Variants in RBM18 observed in about 807,000 individuals in gnomAD.
RBM18 encodes RNA binding motif protein 18.
Under a neutral mutation model 26.4 loss-of-function variants are expected in RBM18, and 18 were observed. The observed-to-expected ratio is 0.68, with a 90% CI of 0.47 to 1.01. The LOEUF (loss-of-function observed/expected upper bound fraction) is 1.01. RBM18 is among the 50% of genes least tolerant of loss of function. RBM18 has a pLI of 0.00. For missense variants in RBM18, 180 were observed against 219.2 expected, an observed-to-expected ratio of 0.82 and a Z score of 1.13; for synonymous variants, 74 against 81.1, an observed-to-expected ratio of 0.91 and a Z score of 0.47.
In RBM18 at chr9:122,241,528, A is replaced by G. The variant is rs115264617; in HGVS notation, c.*356T>C. 4,034 of 164,908 alleles carry G rather than the reference A, an allele frequency of 0.024. 181 individuals are homozygous for G. Among genetic ancestry groups the G allele is most frequent in the African/African-American group, 0.088 (3,720 of 42,056 alleles). 10.2% of individuals were successfully genotyped at this position (164,908 alleles called of 1,614,324 possible). A position where few individuals can be genotyped will look rare whatever the true frequency, so the allele number is the denominator to read the frequency against. ...GTAGAAAAATGCTCAATTTTTTAAT[A>G]GATGTTAATATTTTTAGTTTCCTGA... On this transcript the variant is annotated 3_prime_UTR_variant, in exon 6 of 6. Coordinates refer to ENST00000417201, the MANE Select transcript of RBM18 (RefSeq NM_033117.4).
intron 2 of RBM18, among the ~76,000 whole-genome samples, chr9:122,256,038 A>AAACAACAAC (rs3048199): frequency 6.6e-6 from 1 of 151,706 alleles, no homozygotes; most frequent in African/African-American, 2.4e-5. Context: ...CTCAAAAAGA[A>AAACAACAAC]AACAACAACA....
chr9:122,239,987 G>C lies in RBM18; in HGVS notation c.*1897C>G, dbSNP rs1468107261. 2 of 152,236 alleles carry C rather than the reference G, an allele frequency of 1.3e-5. No individual in the cohort carries two copies. The highest frequency in any genetic ancestry group is 2.9e-5 in the Non-Finnish European group (2 of 68,044). The allele number at this position is 152,236 out of a possible 1,614,324, so 9.4% of individuals were successfully genotyped here. ...CTGCAGTCTATGCCAGTAAGTGAAC[G>C]AGAGAAGATATAACCACACGGACAC... On this transcript the variant is annotated 3_prime_UTR_variant, in exon 6 of 6. Coordinates refer to ENST00000417201, the MANE Select transcript of RBM18 (RefSeq NM_033117.4).
intron 2 of RBM18, among the ~76,000 whole-genome samples, chr9:122,253,192 C>T (rs1263151817): frequency 6.6e-6 from 1 of 152,152 alleles, no homozygotes; most frequent in Admixed American, 6.5e-5. Context: ...AAGAGAAACT[C>T]ATCAAAATTT....
rs774992828 is a variant in RBM18 at position 122,245,356 on chromosome 9, T to C, written c.328-15A>G. On this transcript the variant is annotated splice_polypyrimidine_tract_variant and intron_variant, in intron 4 of 5. Transcript: ENST00000417201. Reference sequence around the variant, plus strand: ...TGATCATATCTCTGAAAATGAGAAATAGAGAAATTACTTCACATGGGCAGA... The same window carrying C: ...TGATCATATCTCTGAAAATGAGAAACAGAGAAATTACTTCACATGGGCAGA... The C allele has an allele frequency of 4.5e-6, 7 of 1,541,654 alleles. No individual in the cohort carries two copies. Among genetic ancestry groups the C allele is most frequent in the African/African-American group, 4.1e-5 (3 of 73,370 alleles).
chr9:122,252,737 G>A (rs894035041), intron 2 of RBM18, among the ~76,000 whole-genome samples: 3 of 152,170 alleles, frequency 2.0e-5, no homozygotes, highest in South Asian at 2.1e-4. Context: ...TCTAGGGTAC[G>A]GTCAAGTAAA....
intron 2 of RBM18, among the ~76,000 whole-genome samples, chr9:122,257,349 T>C (rs1173493786): frequency 6.6e-6 from 1 of 152,196 alleles, no homozygotes; most frequent in Non-Finnish European, 1.5e-5. Flanking sequence ...GGTTTCACTG[T>C]GTTAGCCGGG....
intron 5 of RBM18, chr9:122,243,709 AC>A (rs1223113874): frequency 2.0e-6 from 2 of 985,008 alleles, no homozygotes; most frequent in Non-Finnish European, 2.4e-6. Flanking sequence ...AAATTTAAAA[AC>A]TAAGTTACAA....
intron 3 of RBM18, among the ~76,000 whole-genome samples, chr9:122,249,489 G>T (rs1831563235): frequency 6.6e-6 from 1 of 152,098 alleles, no homozygotes; most frequent in Non-Finnish European, 1.5e-5. Context: ...GAAGCAGGCT[G>T]GTTGCTTGAG....
intron 2 of RBM18, among the ~76,000 whole-genome samples, chr9:122,258,582 A>G (rs1831734805): frequency 6.6e-6 from 1 of 152,290 alleles, no homozygotes; most frequent in Non-Finnish European, 1.5e-5. Context: ...TATATCTTTA[A>G]GCATAAATTT....
chr9:122,246,708 G>T (rs1479223759), intron 4 of RBM18, among the ~76,000 whole-genome samples: 2 of 152,166 alleles, frequency 1.3e-5, no homozygotes, highest in African/African-American at 4.8e-5. Context: ...TGGGAAGTTT[G>T]TTGGGGAGTG....
At chr9:122,264,385 G>A (rs7034992) in intron 1 of RBM18, among the ~76,000 whole-genome samples, 43,593 of 152,150 alleles carry the variant, frequency 0.29, 7,178 homozygotes, top group Middle Eastern at 0.46. Flanking sequence ...GACTACCAGA[G>A]TTCACAAAAC....
chr9:122,253,086 A>G (rs1299230450), intron 2 of RBM18, among the ~76,000 whole-genome samples: 1 of 152,214 alleles, frequency 6.6e-6, no homozygotes, highest in African/African-American at 2.4e-5. Context: ...AAAAGGTATC[A>G]GCCCACATGC....
intron 4 of RBM18, among the ~76,000 whole-genome samples, chr9:122,246,257 C>T (rs1318588438): frequency 6.6e-6 from 1 of 152,188 alleles, no homozygotes; most frequent in East Asian, 1.9e-4. Context: ...ATCCTCCTGC[C>T]TCAGCCTCCC....
intron 4 of RBM18, among the ~76,000 whole-genome samples, chr9:122,245,834 A>C (rs1196310566): frequency 6.6e-6 from 1 of 151,910 alleles, no homozygotes; most frequent in Non-Finnish European, 1.5e-5. Flanking sequence ...AAAAAACAAA[A>C]AACAAAAATT....
In RBM18 at chr9:122,242,152, C is replaced by A. The variant is rs1421359225; in HGVS notation, c.414-109G>T. On this transcript the variant is annotated intron_variant, in intron 5 of 5. Transcript: ENST00000417201. ...GGAATATTAGAGACGCAACAAGATA[C>A]TAAATTACAGACATTTAAACATTTT... The A allele has an allele frequency of 4.9e-6, 5 of 1,019,662 alleles. No homozygotes were observed. In the Admixed American group the frequency reaches 1.5e-4, roughly 30 times the overall value. The allele number at this position is 1,019,662 out of a possible 1,614,324, so 63.2% of individuals were successfully genotyped here. A position where few individuals can be genotyped will look rare whatever the true frequency, so the allele number is the denominator to read the frequency against.
chr9:122,254,027 C>T (rs1439811495), intron 2 of RBM18, among the ~76,000 whole-genome samples: 1 of 86,834 alleles, frequency 1.2e-5, no homozygotes, highest in Non-Finnish European at 2.4e-5. Context: ...GATTCCGTCT[C>T]AAAAAAAAAA....
At chr9:122,249,634 AG>A (rs1399925046) in intron 3 of RBM18, among the ~76,000 whole-genome samples, 21 of 151,988 alleles carry the variant, frequency 1.4e-4, no homozygotes, top group Admixed American at 8.5e-4. Flanking sequence ...GCTTGAATCC[AG>A]GAAGTTGAGG....
chr9:122,263,496 T>C (rs568602140), intron 1 of RBM18, among the ~76,000 whole-genome samples: 1 of 152,240 alleles, frequency 6.6e-6, no homozygotes, highest in Non-Finnish European at 1.5e-5. Context: ...TTCTATTATC[T>C]AGGACTTATC....
rs139639179 is a variant in RBM18, at chr9:122,248,539, A to T, written c.241-935T>A. On this transcript the variant is annotated intron_variant, in intron 3 of 5. Coordinates refer to ENST00000417201, the MANE Select transcript of RBM18 (RefSeq NM_033117.4). ...GAGTGAGTCAAAGAGACCGTTAGCA[A>T]GGTATCTGTGTGAGTCAATCTATGC... Among the ~76,000 whole-genome samples, 281 of 152,314 alleles carry T rather than the reference A, an allele frequency of 1.8e-3. 3 individuals are homozygous for T. Among genetic ancestry groups the T allele is most frequent in the Admixed American group, 1.4e-3 (21 of 15,300 alleles).
Sources: allele counts gnomAD v4.1 joint callset (sites outside exome capture counted in the v4.1 genomes callset), GRCh38; gene constraint gnomAD v4.1.1; transcripts MANE v1.5; gene names NCBI Gene and HGNC (gene_info 2026-07-23, HGNC 2026-07-21).